SPATS2L: variants seen among roughly 807,000 people sequenced by gnomAD.
SPATS2L encodes the protein spermatogenesis associated serine rich 2 like.
Under a neutral mutation model 59.6 loss-of-function variants are expected in SPATS2L, and 30 were observed. That is an observed-to-expected ratio of 0.50 (90% CI 0.38 to 0.68). The LOEUF is 0.68. Ranked by LOEUF, SPATS2L falls within the 30% of genes least tolerant of loss-of-function variation. The pLI is 0.00. For synonymous variants in SPATS2L, 252 were observed against 263.5 expected, an observed-to-expected ratio of 0.96 and a Z score of 0.42; for missense variants, 615 against 700.0, an observed-to-expected ratio of 0.88 and a Z score of 1.37.
chr2:200,389,954 C>T (rs933833943), intron 3 of SPATS2L: 53 of 152,348 alleles, frequency 3.5e-4, no homozygotes, highest in African/African-American at 1.2e-3. Context: ...AAACCATAGA[C>T]CATGAAGATA....
In SPATS2L at chr2:200,480,451, A is replaced by G. The variant is rs2087750752; in HGVS notation, c.*2420A>G. 1 of 150,112 alleles carries G rather than the reference A, an allele frequency of 6.7e-6. No individual in the cohort carries two copies. The highest frequency in any genetic ancestry group is 1.5e-5 in the Non-Finnish European group (1 of 67,958). 9.3% of individuals were successfully genotyped at this position (150,112 alleles called of 1,614,324 possible). On this transcript the variant is annotated 3_prime_UTR_variant, in exon 13 of 13. Coordinates refer to ENST00000409140, the MANE Select transcript of SPATS2L (RefSeq NM_001100423.2). ...AGGCTGGAGTGCATGATCATGGCTC[A>G]CTATAGCCTTGAACTCCTGGGCTCA...
chr2:200,333,990 T>C (rs1242284855), intron 2 of SPATS2L, among the ~76,000 whole-genome samples: 4 of 152,262 alleles, frequency 2.6e-5, no homozygotes, highest in Admixed American at 6.5e-5. Flanking sequence ...TATAGCAGCA[T>C]GATTTATAAT....
At chr2:200,415,826 G>T (rs2105999197) in intron 4 of SPATS2L, among the ~76,000 whole-genome samples, 1 of 152,226 alleles carries the variant, frequency 6.6e-6, no homozygotes, top group South Asian at 2.1e-4. Context: ...CAAGGTAGAA[G>T]CCTTGTAGAC....
chr2:200,428,194 G>A (rs1262378746), intron 6 of SPATS2L, among the ~76,000 whole-genome samples: 1 of 151,956 alleles, frequency 6.6e-6, no homozygotes, highest in Non-Finnish European at 1.5e-5. Context: ...TCACCTCATT[G>A]TTACGGCTTT....
intron 2 of SPATS2L, among the ~76,000 whole-genome samples, chr2:200,385,339 G>A (rs1039472375): frequency 3.9e-5 from 6 of 152,290 alleles, no homozygotes; most frequent in Admixed American, 3.9e-4. Context: ...GTGAAATCAG[G>A]TGAAAATATA....
Position 200,478,855 on chromosome 2 carries a change from G to C in SPATS2L, c.*824G>C, listed in dbSNP as rs2087709470. The C allele has an allele frequency of 6.6e-6, 1 of 151,604 alleles. No individual in the cohort carries two copies. The highest frequency in any genetic ancestry group is 1.5e-5 in the Non-Finnish European group (1 of 67,926). 9.4% of individuals were successfully genotyped at this position (151,604 alleles called of 1,614,324 possible). A position where few individuals can be genotyped will look rare whatever the true frequency, so the allele number is the denominator to read the frequency against. Reference sequence around the variant, plus strand: ...ATTGGTTCAGTGAGTGAAAAGTCCAGTTGGTCCAATTTGATCAGGATTTCA... The same window carrying C: ...ATTGGTTCAGTGAGTGAAAAGTCCACTTGGTCCAATTTGATCAGGATTTCA... On this transcript the variant is annotated 3_prime_UTR_variant, in exon 13 of 13. Coordinates refer to ENST00000409140, the MANE Select transcript of SPATS2L (RefSeq NM_001100423.2).
At chr2:200,357,348 C>T (rs1365408739) in intron 2 of SPATS2L, among the ~76,000 whole-genome samples, 1 of 152,136 alleles carries the variant, frequency 6.6e-6, no homozygotes, top group African/African-American at 2.4e-5. Context: ...CTAAGTGAGG[C>T]CACTGAGAAA....
intron 12 of SPATS2L, among the ~76,000 whole-genome samples, chr2:200,474,113 T>C (rs2087305208): frequency 6.6e-6 from 1 of 152,032 alleles, no homozygotes; most frequent in South Asian, 2.1e-4. Context: ...CTTTTTTTTT[T>C]TTGTAAGACT....
At chr2:200,337,020 G>A (rs2080165158) in intron 2 of SPATS2L, among the ~76,000 whole-genome samples, 2 of 152,168 alleles carry the variant, frequency 1.3e-5, no homozygotes, top group East Asian at 3.8e-4. Context: ...AGTTTACTTG[G>A]CCTTGGTTTT....
intron 6 of SPATS2L, among the ~76,000 whole-genome samples, chr2:200,432,827 T>C (rs966622802): frequency 9.2e-5 from 14 of 152,080 alleles, no homozygotes; most frequent in African/African-American, 3.4e-4. Flanking sequence ...GTTCAGACGA[T>C]GAAGAAGAAA....
At chr2:200,361,079 A>G (rs1050899345) in intron 2 of SPATS2L, among the ~76,000 whole-genome samples, 1 of 73,888 alleles carries the variant, frequency 1.4e-5, no homozygotes, top group Non-Finnish European at 2.7e-5. Flanking sequence ...TCCCCACCCC[A>G]CCCCCCCACA....
At chr2:200,422,897 A>G (rs1193685974) in intron 6 of SPATS2L, among the ~76,000 whole-genome samples, 1 of 152,204 alleles carries the variant, frequency 6.6e-6, no homozygotes, top group Non-Finnish European at 1.5e-5. Flanking sequence ...CTCTCTCTCA[A>G]AATATCTTAT....
chr2:200,439,260 C>T lies in SPATS2L; in HGVS notation c.584C>T (p.Ser195Phe). The change falls in exon 7 of 13, where the codon TCT (serine) becomes TTT (phenylalanine). Residue 195 changes from serine to phenylalanine, a missense_variant. Ser to Phe is a radical substitution (Grantham distance 155, BLOSUM62 -2). Coordinates refer to ENST00000409140, the MANE Select transcript of SPATS2L (RefSeq NM_001100423.2). ...CNPSKPKAKTSPVKSNTPAAH... is the reference protein window; with the variant it reads ...CNPSKPKAKTFPVKSNTPAAH... ...CCAAGCAAGCCTAAGGCAAAAACAT[C>T]TCCTGTTAAGTCCAATACCCCTGCA... 6.2e-7 allele frequency: 1 copy of T among 1,613,716 alleles called. No homozygotes were observed. Among genetic ancestry groups the T allele is most frequent in the Non-Finnish European group, 8.5e-7 (1 of 1,179,708 alleles).
chr2:200,404,297 C>G (rs570337966), intron 3 of SPATS2L, among the ~76,000 whole-genome samples: 1 of 152,290 alleles, frequency 6.6e-6, no homozygotes, highest in East Asian at 1.9e-4. Context: ...ATAGGGGAAC[C>G]TGTCTGGGTT....
intron 2 of SPATS2L, among the ~76,000 whole-genome samples, chr2:200,365,968 A>G (rs753159639): frequency 6.6e-6 from 1 of 152,192 alleles, no homozygotes. Context: ...TTCTTGAATG[A>G]GTAAGAATGG....
rs758373034 is a variant in SPATS2L, at chr2:200,419,406, G to C, written c.355G>C (p.Asp119His). ...NGCEKDSSST[D>H]SANEKPALIP... ...CTGCGAGAAGGACAGCTCGTCCACAGATTCTGCTAACGAAAAACCAGCCCT... is the reference window on the plus strand; with the variant it reads ...CTGCGAGAAGGACAGCTCGTCCACACATTCTGCTAACGAAAAACCAGCCCT... Residue 119 changes from aspartate to histidine, a missense_variant, in exon 6 of 13, where the codon GAT becomes CAT. By Grantham distance (81) the Asp-to-His change is moderately conservative (BLOSUM62 -1). This residue lies in a region of SPATS2L where 227 missense variants were observed against 257.4 expected (regional missense o/e 0.88). Transcript: ENST00000409140. The C allele has an allele frequency of 6.2e-7, 1 of 1,613,696 alleles. No homozygotes were observed. Among genetic ancestry groups the C allele is most frequent in the East Asian group, 2.2e-5 (1 of 44,792 alleles).
In SPATS2L at chr2:200,306,807, G is replaced by A. The variant is rs1262756247; in HGVS notation, c.-188G>A. ...GCGCGCGGCCCAGGCAGCGGCTCCC[G>A]CTCGGCCCGCCCTCCGAGCCGCAGG... On this transcript the variant is annotated 5_prime_UTR_variant, in exon 1 of 13. Coordinates refer to ENST00000409140, the MANE Select transcript of SPATS2L (RefSeq NM_001100423.2). The A allele has an allele frequency of 3.1e-6, 3 of 980,896 alleles. No homozygotes were observed. The highest frequency in any genetic ancestry group is 6.3e-5 in the Admixed American group (1 of 15,860). 60.8% of individuals were successfully genotyped at this position (980,896 alleles called of 1,614,324 possible). A position where few individuals can be genotyped will look rare whatever the true frequency, so the allele number is the denominator to read the frequency against.
At chr2:200,441,512 G>C (rs2084698851) in intron 8 of SPATS2L, among the ~76,000 whole-genome samples, 2 of 152,164 alleles carry the variant, frequency 1.3e-5, no homozygotes, top group East Asian at 3.8e-4. Flanking sequence ...AATTACAGAA[G>C]TTTCCTTCAG....
intron 2 of SPATS2L, among the ~76,000 whole-genome samples, chr2:200,387,591 CTTTA>C (rs2082031564): frequency 1.3e-5 from 2 of 152,116 alleles, no homozygotes; most frequent in Non-Finnish European, 2.9e-5. Context: ...TGAATTTATG[CTTTA>C]TTTAAGACGT....
Sources: gnomAD v4.1 joint callset for allele counts (sites outside exome capture counted in the v4.1 genomes callset) on GRCh38, gnomAD v4.1.1 for gene constraint, gnomAD v4.1.1 regional missense constraint, MANE v1.5 for transcripts, NCBI Gene and HGNC (gene_info 2026-07-23, HGNC 2026-07-21) for gene names.